Variants in MB21D2 observed in about 807,000 individuals in gnomAD.
MB21D2 encodes Mab-21 domain containing 2.
Under a neutral mutation model 33.3 loss-of-function variants are expected in MB21D2, and 9 were observed. The observed-to-expected ratio is 0.27, with a 90% confidence interval of 0.16 to 0.47. MB21D2 has a LOEUF of 0.47. MB21D2 is among the 20% of genes least tolerant of loss of function. The pLI, the probability that MB21D2 is intolerant of heterozygous loss-of-function variation, is 0.99. For synonymous variants in MB21D2, 241 were observed against 236.3 expected, an observed-to-expected ratio of 1.02 and a Z score of -0.18; for missense variants, 540 against 624.6, an observed-to-expected ratio of 0.86 and a Z score of 1.44.
chr3:192,838,351 A>G (rs1205548214), intron 1 of MB21D2, among the ~76,000 whole-genome samples: 1 of 152,120 alleles, frequency 6.6e-6, no homozygotes, highest in Non-Finnish European at 1.5e-5. Flanking sequence ...TCCATGCATT[A>G]GAAGCAAGTC....
intron 1 of MB21D2, among the ~76,000 whole-genome samples, chr3:192,906,289 T>C (rs755139980): frequency 3.3e-5 from 5 of 152,150 alleles, no homozygotes; most frequent in Non-Finnish European, 7.3e-5. Flanking sequence ...TGCATGCTAT[T>C]AACAGGAGTC....
intron 1 of MB21D2, among the ~76,000 whole-genome samples, chr3:192,861,204 A>G (rs1182468035): frequency 6.6e-6 from 1 of 152,172 alleles, no homozygotes; most frequent in East Asian, 1.9e-4. Flanking sequence ...TGCAGATCTG[A>G]CCTCTGGGCT....
At chr3:192,854,201 C>T (rs543170518) in intron 1 of MB21D2, among the ~76,000 whole-genome samples, 6 of 152,270 alleles carry the variant, frequency 3.9e-5, no homozygotes, top group Admixed American at 1.3e-4. Flanking sequence ...CCTAACAGTT[C>T]GCCTAGCTGT....
intron 1 of MB21D2, among the ~76,000 whole-genome samples, chr3:192,866,967 G>T (rs746825295): frequency 3.9e-5 from 6 of 152,192 alleles, no homozygotes; most frequent in Admixed American, 3.3e-4. Flanking sequence ...AGAAGGAATG[G>T]GGAAAGCTGT....
At chr3:192,881,592 G>A (rs1234104815) in intron 1 of MB21D2, among the ~76,000 whole-genome samples, 1 of 152,074 alleles carries the variant, frequency 6.6e-6, no homozygotes, top group Admixed American at 6.5e-5. Context: ...ACCCTTCTGG[G>A]GAAAGAGCAC....
At position 192,840,415 on chromosome 3, in the gene MB21D2, CTTTTTTTTTTTTTTTTTTTT is replaced by C. The variant is rs71177380; in HGVS notation, c.212-40785_212-40766del. ...TGACAAAGACTTTTTTCTCTTTTTTCTTTTTTTTTTTTTTTTTTTTTTTTTGCTTTTCCTAGAACCTCCCT... is the reference window on the plus strand; with the variant it reads ...TGACAAAGACTTTTTTCTCTTTTTTCTTTTTGCTTTTCCTAGAACCTCCCT... On this transcript the variant is annotated intron_variant, in intron 1 of 1. Coordinates refer to ENST00000392452, the MANE Select transcript of MB21D2 (RefSeq NM_178496.4). Among the ~76,000 whole-genome samples the C allele has an allele frequency of 1.0e-4, 9 of 88,292 alleles. No individual in the cohort carries two copies. The Admixed American group carries it at 1.5e-3, about 15-fold the overall frequency. The allele number at this position is 88,292 out of a possible 152,430, so 57.9% of individuals were successfully genotyped here.
chr3:192,893,726 G>A (rs61545555), intron 1 of MB21D2, among the ~76,000 whole-genome samples: 77,006 of 151,946 alleles, frequency 0.51, 22,629 homozygotes, highest in East Asian at 0.81. Flanking sequence ...CATGATTCCC[G>A]TCCCCCACAT....
intron 1 of MB21D2, among the ~76,000 whole-genome samples, chr3:192,899,721 G>A (rs2108650901): frequency 7.1e-6 from 1 of 141,048 alleles, no homozygotes; most frequent in South Asian, 2.3e-4. Flanking sequence ...AGAAAACATA[G>A]TCCAAAAAAG....
At chr3:192,821,051 C>CA (rs1158146242) in intron 1 of MB21D2, among the ~76,000 whole-genome samples, 1 of 152,128 alleles carries the variant, frequency 6.6e-6, no homozygotes, top group African/African-American at 2.4e-5. Flanking sequence ...AACAAACAAA[C>CA]AGAACATTAC....
chr3:192,917,710 G>C lies in MB21D2; in HGVS notation c.131C>G (p.Thr44Arg), dbSNP rs757333900. The C allele has an allele frequency of 1.9e-6, 3 of 1,614,142 alleles. No homozygotes were observed. Among genetic ancestry groups the C allele is most frequent in the East Asian group, 2.2e-5 (1 of 44,874 alleles). ...GTCGTATTCCCGCTGGTCGTGCTTC[G>C]TAAATTCTTGGATGAGTTTGTTCAA... ...EELNKLIQEF[T>R]KHDQREYDDQ... is the part of the protein sequence containing the mutation. The change falls in exon 1 of 2, where the codon ACG (threonine) becomes AGG (arginine). Residue 44 changes from threonine to arginine, a missense_variant. Coordinates refer to ENST00000392452, the MANE Select transcript of MB21D2 (RefSeq NM_178496.4).
At chr3:192,825,197 G>A (rs1271617724) in intron 1 of MB21D2, among the ~76,000 whole-genome samples, 1 of 152,172 alleles carries the variant, frequency 6.6e-6, no homozygotes. Context: ...GCTGGGGTGC[G>A]GTGGTGCTAT....
intron 1 of MB21D2, among the ~76,000 whole-genome samples, chr3:192,864,220 C>T (rs1713113282): frequency 1.3e-5 from 2 of 152,242 alleles, no homozygotes; most frequent in Non-Finnish European, 2.9e-5. Flanking sequence ...TGTCAAAAGG[C>T]CTTGGCCTAA....
chr3:192,836,133 C>A (rs1712433410), intron 1 of MB21D2, among the ~76,000 whole-genome samples: 1 of 152,180 alleles, frequency 6.6e-6, no homozygotes, highest in Non-Finnish European at 1.5e-5. Context: ...CCCTGGACCT[C>A]AGCTTCCTTT....
rs535994298 is a variant in MB21D2 at position 192,875,260 on chromosome 3, GGACT to G, written c.211+42366_211+42369del. ...TACTCTCCAAATGTCAGCTTCCTGA[GGACT>G]GACACTGCTGTAAACCCTAACATCC... is the stretch of plus-strand genomic sequence containing the variant. On this transcript the variant is annotated intron_variant, in intron 1 of 1. Coordinates refer to ENST00000392452, the MANE Select transcript of MB21D2 (RefSeq NM_178496.4). Among the ~76,000 whole-genome samples the G allele has an allele frequency of 5.2e-3, 794 of 152,294 alleles. 5 individuals are homozygous for G. Among genetic ancestry groups the G allele is most frequent in the Non-Finnish European group, 8.5e-3 (580 of 68,024 alleles).
intron 1 of MB21D2, among the ~76,000 whole-genome samples, chr3:192,869,349 G>GGGAGGAAGGGAGGAAA (rs1713241562): frequency 6.6e-6 from 1 of 150,806 alleles, no homozygotes; most frequent in East Asian, 1.9e-4. Flanking sequence ...AAGGGAGGAA[G>GGGAGGAAGGGAGGAAA]GGAGGAAGGG....
At chr3:192,872,653 G>A (rs1377519779) in intron 1 of MB21D2, among the ~76,000 whole-genome samples, 5 of 152,076 alleles carry the variant, frequency 3.3e-5, no homozygotes, top group South Asian at 2.1e-4. Context: ...CATGGATGAC[G>A]GTAATGTTCC....
At chr3:192,813,300 A>AT (rs59125169) in intron 1 of MB21D2, among the ~76,000 whole-genome samples, 643 of 43,082 alleles carry the variant, frequency 0.015, 3 homozygotes, top group East Asian at 0.062. Flanking sequence ...ACTGCAGTTA[A>AT]TTTTTTTTTT....
At chr3:192,905,635 C>CAAAAAAAA (rs142676577) in intron 1 of MB21D2, among the ~76,000 whole-genome samples, 2 of 84,982 alleles carry the variant, frequency 2.4e-5, no homozygotes, top group Non-Finnish European at 4.4e-5. Context: ...CGCCCTGTCT[C>CAAAAAAAA]AAAAAAAAAA....
chr3:192,895,703 C>T (rs1713954535), intron 1 of MB21D2, among the ~76,000 whole-genome samples: 1 of 149,778 alleles, frequency 6.7e-6, no homozygotes, highest in Non-Finnish European at 1.5e-5. Flanking sequence ...CTTCATTCTA[C>T]CTACTCAAGT....
Sources: allele counts gnomAD v4.1 joint callset (sites outside exome capture counted in the v4.1 genomes callset), GRCh38; gene constraint gnomAD v4.1.1; transcripts MANE v1.5; gene names NCBI Gene and HGNC (gene_info 2026-07-23, HGNC 2026-07-21).